The following SCN11A variants were observed in gnomAD, a reference collection of about 807,000 sequenced individuals.
SCN11A encodes sodium voltage-gated channel alpha subunit 11, also known as sodium channel protein type 11 subunit alpha.
In SCN11A, 122 loss-of-function variants were observed where a neutral mutation model predicts 162.2. That is an observed-to-expected ratio of 0.75 (90% CI 0.65 to 0.87). The LOEUF (loss-of-function observed/expected upper bound fraction) is 0.87, where lower values mean the gene tolerates loss of function less well. SCN11A is among the 40% of genes least tolerant of loss of function. The pLI, the probability that SCN11A is intolerant of heterozygous loss-of-function variation, is 0.00. For missense variants in SCN11A, 2,015 were observed against 2,181.6 expected, an observed-to-expected ratio of 0.92 and a Z score of 1.52; for synonymous variants, 758 against 751.5, an observed-to-expected ratio of 1.01 and a Z score of -0.14.
intron 2 of SCN11A, among the ~76,000 whole-genome samples, chr3:38,966,551 G>C (rs548744612): frequency 4.7e-4 from 72 of 152,274 alleles, no homozygotes; most frequent in African/African-American, 1.7e-3. Flanking sequence ...AACCAAGTCA[G>C]GGTATCTGGG....
At chr3:39,035,489 A>C (rs1228058775) in intron 1 of SCN11A, among the ~76,000 whole-genome samples, 2 of 152,212 alleles carry the variant, frequency 1.3e-5, no homozygotes, top group African/African-American at 4.8e-5. Flanking sequence ...CAAACTATGA[A>C]ACAACTAAAG....
intron 11 of SCN11A, among the ~76,000 whole-genome samples, chr3:38,918,956 T>C (rs1012081459): frequency 6.6e-6 from 1 of 152,250 alleles, no homozygotes; most frequent in Non-Finnish European, 1.5e-5. Flanking sequence ...CAAGCCTAGA[T>C]GGTATAGCCT....
At chr3:38,881,991 G>GAATA (rs1326927961) in intron 22 of SCN11A, among the ~76,000 whole-genome samples, 1 of 152,098 alleles carries the variant, frequency 6.6e-6, no homozygotes, top group Admixed American at 6.6e-5. Context: ...ACCATTTGTG[G>GAATA]AATAAATACA....
In SCN11A at chr3:38,972,647, G is replaced by A. The variant is rs148492189; in HGVS notation, c.-279-12224C>T. ...ACACGCACACACTGAGACACACTGA[G>A]GTACACTGAGTTTTTACCAAATTTT... is the stretch of plus-strand genomic sequence containing the variant. On this transcript the variant is annotated intron_variant, in intron 2 of 29. Transcript: ENST00000302328. 4.7e-4 allele frequency among the ~76,000 whole-genome samples: 72 copies of A among 151,928 alleles called. 1 individual carries two copies. In the East Asian group the frequency reaches 0.013, roughly 28 times the overall value.
intron 19 of SCN11A, among the ~76,000 whole-genome samples, chr3:38,891,901 C>G (rs2065506274): frequency 6.6e-6 from 1 of 152,124 alleles, no homozygotes; most frequent in Non-Finnish European, 1.5e-5. Flanking sequence ...AGGACACATT[C>G]AAATCCTAGC....
chr3:38,924,277 T>C (rs2066101361), intron 9 of SCN11A, among the ~76,000 whole-genome samples: 1 of 151,934 alleles, frequency 6.6e-6, no homozygotes, highest in Non-Finnish European at 1.5e-5. Context: ...CAATCTTGGC[T>C]CACTGCAGCC....
Position 38,925,331 on chromosome 3 carries a change from A to T in SCN11A, c.712+84T>A, listed in dbSNP as rs560905277. 2.3e-5 allele frequency: 21 copies of T among 898,324 alleles called. No homozygotes were observed. In the South Asian group the frequency reaches 3.0e-4, roughly 13 times the overall value. The allele number at this position is 898,324 out of a possible 1,614,324, so 55.6% of individuals were successfully genotyped here. A position where few individuals can be genotyped will look rare whatever the true frequency, so the allele number is the denominator to read the frequency against. On this transcript the variant is annotated intron_variant, in intron 9 of 29. Coordinates refer to ENST00000302328, the MANE Select transcript of SCN11A (RefSeq NM_001349253.2). The stretch of plus-strand genomic sequence containing the variant: ...AGCAGGCTTTGTTTGTTTTTGGTTT[A>T]CATGATGACATTTTGAAAAAATTTA...
At chr3:39,021,635 TG>T (rs1387392706) in intron 2 of SCN11A, among the ~76,000 whole-genome samples, 1 of 152,170 alleles carries the variant, frequency 6.6e-6, no homozygotes, top group African/African-American at 2.4e-5. Context: ...AACAGGCATT[TG>T]TTCTGAGTCC....
intron 26 of SCN11A, among the ~76,000 whole-genome samples, chr3:38,868,089 C>T (rs539014333): frequency 3.3e-5 from 5 of 152,276 alleles, no homozygotes; most frequent in South Asian, 2.1e-4. Context: ...TAAGATACAA[C>T]CCAAATCACC....
chr3:38,996,938 G>A (rs1365882262), intron 2 of SCN11A, among the ~76,000 whole-genome samples: 1 of 152,104 alleles, frequency 6.6e-6, no homozygotes, highest in Non-Finnish European at 1.5e-5. Context: ...TTCCTTCACC[G>A]CCAATCACAT....
chr3:38,938,531 TA>T (rs2066380300), intron 7 of SCN11A, among the ~76,000 whole-genome samples: 1 of 19,724 alleles, frequency 5.1e-5, no homozygotes. Flanking sequence ...TATATATATA[TA>T]TATATATATA....
At chr3:38,976,082 G>A (rs1248707708) in intron 2 of SCN11A, among the ~76,000 whole-genome samples, 6 of 152,206 alleles carry the variant, frequency 3.9e-5, no homozygotes, top group Non-Finnish European at 8.8e-5. Context: ...AGCATAATAA[G>A]ATAGTATAAA....
At position 38,894,662 on chromosome 3, in the gene SCN11A, A is replaced by G; in HGVS notation, c.2706T>C (p.Ser902=). 6.2e-7 allele frequency: 1 copy of G among 1,614,156 alleles called. No homozygotes were observed. The highest frequency in any genetic ancestry group is 1.1e-5 in the South Asian group (1 of 91,080). ...GCCTGACGCCCAGGGTCTTTGGTACAGAGGTTAGTATACCAAGCTCCTCCT... is the reference window on the plus strand; with the variant it reads ...GCCTGACGCCCAGGGTCTTTGGTACGGAGGTTAGTATACCAAGCTCCTCCT... ...ETQEELGILT[S]VPKTLGVRHD... The change falls in exon 19 of 30, where the codon TCT becomes TCC. Residue 902 remains serine (S), a synonymous_variant. Coordinates refer to ENST00000302328, the MANE Select transcript of SCN11A (RefSeq NM_001349253.2).
intron 1 of SCN11A, among the ~76,000 whole-genome samples, chr3:39,035,332 T>A (rs2031874379): frequency 6.6e-6 from 1 of 152,256 alleles, no homozygotes; most frequent in South Asian, 2.1e-4. Flanking sequence ...AGGTGCCAAG[T>A]ACATACACTG....
At chr3:38,854,263 A>C (rs2064830863) in intron 28 of SCN11A, among the ~76,000 whole-genome samples, 1 of 152,188 alleles carries the variant, frequency 6.6e-6, no homozygotes, top group South Asian at 2.1e-4. Context: ...ACTATGACAG[A>C]GACATATAGC....
Position 39,000,167 on chromosome 3 carries a change from TC to T in SCN11A, c.-280+32212del, listed in dbSNP as rs575402817. 3.0e-4 allele frequency among the ~76,000 whole-genome samples: 46 copies of T among 152,376 alleles called. 1 individual carries two copies. The South Asian group carries it at 9.5e-3, about 32-fold the overall frequency. ...ATTTCCAATTTGATGTTTGTTAACA[TC>T]ATAACCAACTCTAGGGGGCAATACA... On this transcript the variant is annotated intron_variant, in intron 2 of 29. Transcript: ENST00000302328.
In SCN11A at chr3:38,986,883, C is replaced by T. The variant is rs181230419; in HGVS notation, c.-279-26460G>A. Among the ~76,000 whole-genome samples, 330 of 152,228 alleles carry T rather than the reference C, an allele frequency of 2.2e-3. 2 individuals carry two copies. The highest frequency in any genetic ancestry group is 6.5e-3 in the African/African-American group (268 of 41,534). Reference sequence around the variant, plus strand: ...CTCTTGGAGCAAGGATCTATAGAGCCACATGTCATTTTCCAGCTGTGAGAC... The same window carrying T: ...CTCTTGGAGCAAGGATCTATAGAGCTACATGTCATTTTCCAGCTGTGAGAC... On this transcript the variant is annotated intron_variant, in intron 2 of 29. Coordinates refer to ENST00000302328, the MANE Select transcript of SCN11A (RefSeq NM_001349253.2).
At position 38,897,729 on chromosome 3, in the gene SCN11A, A is replaced by G. The variant is rs2065630113; in HGVS notation, c.2023-504T>C. Among the ~76,000 whole-genome samples the G allele has an allele frequency of 2.0e-5, 3 of 152,048 alleles. No individual in the cohort carries two copies. The South Asian group carries it at 6.2e-4, about 32-fold the overall frequency. On this transcript the variant is annotated intron_variant, in intron 17 of 29. Transcript: ENST00000302328. ...GACTCCATCTCATAAAAAAAAAAAAAAAAGGAAATATTTTGTTTTAGTTTT... is the reference window on the plus strand; with the variant it reads ...GACTCCATCTCATAAAAAAAAAAAAGAAAGGAAATATTTTGTTTTAGTTTT...
rs115396561 is a variant in SCN11A at position 38,863,054 on chromosome 3, G to A, written c.4056+141C>T. 1,860 of 602,116 alleles carry A rather than the reference G, an allele frequency of 3.1e-3. 34 individuals are homozygous for A. The African/African-American group carries it at 0.031, about 10-fold the overall frequency. The allele number at this position is 602,116 out of a possible 1,614,324, so 37.3% of individuals were successfully genotyped here. The stretch of plus-strand genomic sequence containing the variant: ...GAGTTTGAGTATCTAATTTTCCTAA[G>A]TGTTTGAATATGTCTTGACTTCTGT... On this transcript the variant is annotated intron_variant, in intron 28 of 29. Transcript: ENST00000302328.
Sources: allele counts gnomAD v4.1 joint callset (sites outside exome capture counted in the v4.1 genomes callset), GRCh38; gene constraint gnomAD v4.1.1; transcripts MANE v1.5; gene names NCBI Gene and HGNC (gene_info 2026-07-23, HGNC 2026-07-21).